CCPG1: variants seen among roughly 807,000 people sequenced by gnomAD.
The protein encoded by CCPG1 is cell cycle progression protein 1.
CCPG1 carries 46 observed loss-of-function variants against 81.3 expected under a neutral mutation model. The observed-to-expected ratio is 0.57, with a 90% CI of 0.45 to 0.72. The LOEUF (loss-of-function observed/expected upper bound fraction) is 0.72, where lower values mean the gene tolerates loss of function less well. CCPG1 is among the 30% of genes least tolerant of loss of function. CCPG1 has a pLI of 0.00. For synonymous variants in CCPG1, 330 were observed against 305.2 expected, an observed-to-expected ratio of 1.08 and a Z score of -0.85; for missense variants, 902 against 937.6, an observed-to-expected ratio of 0.96 and a Z score of 0.50.
chr15:55,395,686 C>G (rs995706902), intron 1 of CCPG1, among the ~76,000 whole-genome samples: 1 of 152,048 alleles, frequency 6.6e-6, no homozygotes, highest in East Asian at 1.9e-4. Context: ...CCCTAAGACT[C>G]TTATTATTTT....
intron 1 of CCPG1, among the ~76,000 whole-genome samples, chr15:55,392,933 T>C (rs1407262361): frequency 2.0e-5 from 3 of 152,030 alleles, no homozygotes; most frequent in Non-Finnish European, 4.4e-5. Flanking sequence ...TGAAACCCTG[T>C]CTCTACTAAA....
At chr15:55,361,719 TA>T (rs1428538681) in intron 7 of CCPG1, among the ~76,000 whole-genome samples, 1 of 150,444 alleles carries the variant, frequency 6.6e-6, no homozygotes, top group Non-Finnish European at 1.5e-5. Context: ...AAAAAACAAA[TA>T]AAAAATAAAA....
intron 7 of CCPG1, among the ~76,000 whole-genome samples, chr15:55,363,563 G>A (rs766615178): frequency 6.6e-6 from 1 of 150,388 alleles, no homozygotes; most frequent in Admixed American, 6.7e-5. Context: ...TGTGTCTACA[G>A]CCATAACACC....
chr15:55,386,286 T>C (rs1339494352), intron 2 of CCPG1, among the ~76,000 whole-genome samples: 2 of 152,022 alleles, frequency 1.3e-5, no homozygotes, highest in Admixed American at 1.3e-4. Flanking sequence ...TATGGCACTA[T>C]AAACTAAAAA....
chr15:55,367,728 G>A (rs549403362), intron 6 of CCPG1, among the ~76,000 whole-genome samples: 1 of 152,074 alleles, frequency 6.6e-6, no homozygotes, highest in East Asian at 1.9e-4. Flanking sequence ...TTTATCATCT[G>A]GCAAAACTTC....
intron 3 of CCPG1, among the ~76,000 whole-genome samples, chr15:55,385,233 T>C (rs2056776011): frequency 6.6e-6 from 1 of 152,210 alleles, no homozygotes; most frequent in South Asian, 2.1e-4. Flanking sequence ...TGGCACAATC[T>C]CGGCTCACTG....
chr15:55,401,728 G>A (rs760211402), intron 1 of CCPG1, among the ~76,000 whole-genome samples: 2 of 151,278 alleles, frequency 1.3e-5, no homozygotes, highest in Non-Finnish European at 2.9e-5. Context: ...GAGACTGCAG[G>A]TTACATACAC....
At chr15:55,391,101 C>T (rs575609522) in intron 1 of CCPG1, among the ~76,000 whole-genome samples, 2 of 152,284 alleles carry the variant, frequency 1.3e-5, no homozygotes, top group African/African-American at 4.8e-5. Context: ...TTTCAGCATT[C>T]TTTATTAAAC....
intron 1 of CCPG1, among the ~76,000 whole-genome samples, chr15:55,392,307 G>T (rs1393170774): frequency 2.7e-5 from 4 of 150,004 alleles, no homozygotes; most frequent in Non-Finnish European, 5.9e-5. Context: ...TGACTCCCTG[G>T]TTCAAGCGAT....
intron 5 of CCPG1, chr15:55,374,189 C>T: frequency 1.6e-6 from 2 of 1,289,122 alleles, no homozygotes; most frequent in South Asian, 1.2e-5. Flanking sequence ...CATGGTGTTT[C>T]AGCTGATCAT....
intron 1 of CCPG1, among the ~76,000 whole-genome samples, chr15:55,393,780 T>A (rs2056967437): frequency 1.3e-5 from 2 of 151,998 alleles, no homozygotes; most frequent in South Asian, 4.1e-4. Context: ...GGAAATATCC[T>A]CTCCATAGGG....
chr15:55,360,438 A>G lies in CCPG1; in HGVS notation c.1335T>C (p.Ser445=), dbSNP rs2056167696. Residue 445 remains serine, a synonymous_variant, in exon 8 of 9, where the codon TCT becomes TCC. Coordinates refer to ENST00000442196, the MANE Select transcript of CCPG1 (RefSeq NM_001204450.2). ...CAACATACAATCTTTCCCACAAATCAGAACGCTGCTGTTCGAAGGTTAGCT... is the reference window on the plus strand; with the variant it reads ...CAACATACAATCTTTCCCACAAATCGGAACGCTGCTGTTCGAAGGTTAGCT... The part of the protein sequence containing the change: ...ERKLTFEQQR[S]DLWERLYVEA... 2 of 1,613,862 alleles carry G rather than the reference A, an allele frequency of 1.2e-6. No individual in the cohort carries two copies. The highest frequency in any genetic ancestry group is 1.7e-6 in the Non-Finnish European group (2 of 1,180,028).
At chr15:55,391,793 C>T (rs1305656957) in intron 1 of CCPG1, among the ~76,000 whole-genome samples, 1 of 146,710 alleles carries the variant, frequency 6.8e-6, no homozygotes, top group African/African-American at 2.5e-5. Flanking sequence ...GAGTTCAAGG[C>T]TGTTAAGAGC....
intron 1 of CCPG1, among the ~76,000 whole-genome samples, chr15:55,394,793 T>G (rs1343030986): frequency 1.6e-4 from 24 of 151,590 alleles, no homozygotes; most frequent in Non-Finnish European, 7.4e-5. Flanking sequence ...TCAGGCCTCC[T>G]AGATAGTATT....
intron 1 of CCPG1, among the ~76,000 whole-genome samples, chr15:55,396,027 G>A (rs984389480): frequency 1.3e-5 from 2 of 151,942 alleles, no homozygotes; most frequent in African/African-American, 2.4e-5. Flanking sequence ...GCTGGCGTGC[G>A]CCTGTAGTCT....
chr15:55,393,458 A>C (rs762667237), intron 1 of CCPG1, among the ~76,000 whole-genome samples: 10 of 152,066 alleles, frequency 6.6e-5, no homozygotes, highest in Non-Finnish European at 1.2e-4. Context: ...GTTTTTTTTC[A>C]AGATAGGGAA....
At chr15:55,363,887 T>G (rs1401447326) in intron 7 of CCPG1, among the ~76,000 whole-genome samples, 1 of 133,400 alleles carries the variant, frequency 7.5e-6, no homozygotes, top group Non-Finnish European at 1.6e-5. Flanking sequence ...TACTATAACC[T>G]CTGCCTCCTA....
At chr15:55,392,210 ATTTTT>A (rs35816626) in intron 1 of CCPG1, among the ~76,000 whole-genome samples, 4 of 123,008 alleles carry the variant, frequency 3.3e-5, no homozygotes, top group African/African-American at 9.1e-5. Context: ...ATCAGATTTG[ATTTTT>A]TTTTTTTTTT....
chr15:55,369,086 T>G (rs534458172), intron 6 of CCPG1, among the ~76,000 whole-genome samples: 65 of 151,586 alleles, frequency 4.3e-4, no homozygotes, highest in African/African-American at 1.5e-3. Flanking sequence ...CACTCCAGCC[T>G]GGGGAACAGA....
Sources: gnomAD v4.1 joint callset for allele counts (sites outside exome capture counted in the v4.1 genomes callset) on GRCh38, gnomAD v4.1.1 for gene constraint, MANE v1.5 for transcripts, NCBI Gene and HGNC (gene_info 2026-07-23, HGNC 2026-07-21) for gene names.